The following FYB2 variants were observed in gnomAD, a reference collection of about 807,000 sequenced individuals.
FYB2 encodes FYN-binding protein 2.
A neutral mutation model predicts 94.1 loss-of-function variants in FYB2; 103 were observed. The observed-to-expected ratio is 1.09, with a 90% CI of 0.93 to 1.29. FYB2 has a LOEUF of 1.29. Ranked by LOEUF, FYB2 falls within the 50% of genes most tolerant of loss-of-function variation. FYB2 has a pLI of 0.00. For synonymous variants in FYB2, 293 were observed against 287.9 expected, an observed-to-expected ratio of 1.02 and a Z score of -0.18; for missense variants, 896 against 841.5, an observed-to-expected ratio of 1.06 and a Z score of -0.80.
chr1:56,764,768 A>C (rs1287265504), intron 5 of FYB2, among the ~76,000 whole-genome samples: 1 of 152,214 alleles, frequency 6.6e-6, no homozygotes, highest in Non-Finnish European at 1.5e-5. Flanking sequence ...AATACCATAA[A>C]TTGCATGGCT....
chr1:56,738,631 C>T lies in FYB2; in HGVS notation c.1726G>A (p.Asp576Asn), dbSNP rs748625569. 3.1e-6 allele frequency: 5 copies of T among 1,610,534 alleles called. No individual in the cohort carries two copies. Among genetic ancestry groups the T allele is most frequent in the Non-Finnish European group, 3.4e-6 (4 of 1,178,166 alleles). The change falls in exon 14 of 20, where the codon GAT becomes AAT. Residue 576 changes from aspartate to asparagine, a missense_variant. Coordinates refer to ENST00000343433, the MANE Select transcript of FYB2 (RefSeq NM_001004303.5). ...NLSAFSILLP[D>N]LELKSQEVII... ...ATAAGCAAATGGCACTTACCTAAAT[C>T]AGGCAGCAAAATGGAAAATGCACTG...
chr1:56,757,241 A>G (rs933188880), intron 6 of FYB2, among the ~76,000 whole-genome samples: 1 of 152,176 alleles, frequency 6.6e-6, no homozygotes, highest in South Asian at 2.1e-4. Flanking sequence ...TGCCAGGTAC[A>G]TGAAGCATTT....
chr1:56,752,423 T>C (rs540410985), intron 8 of FYB2, among the ~76,000 whole-genome samples: 28 of 152,008 alleles, frequency 1.8e-4, no homozygotes, highest in Non-Finnish European at 3.5e-4. Context: ...GAGATGAGGA[T>C]TGACTATGAT....
upstream of FYB2, among the ~76,000 whole-genome samples, chr1:56,820,715 C>T (rs1303618475): frequency 6.6e-6 from 1 of 152,180 alleles, no homozygotes; most frequent in African/African-American, 2.4e-5. Flanking sequence ...ATGCTTCTGG[C>T]CCAGGGACTG....
chr1:56,755,076 A>T (rs1645293739), intron 7 of FYB2, among the ~76,000 whole-genome samples: 1 of 152,070 alleles, frequency 6.6e-6, no homozygotes, highest in African/African-American at 2.4e-5. Flanking sequence ...CATGCTTTTT[A>T]AAAATATATT....
intron 9 of FYB2, among the ~76,000 whole-genome samples, chr1:56,748,588 A>C (rs550722210): frequency 8.0e-4 from 121 of 151,758 alleles, no homozygotes; most frequent in African/African-American, 2.7e-3. Context: ...CACTCTTTTA[A>C]CGGTATATTT....
At chr1:56,753,540 T>C (rs1248627205) in intron 8 of FYB2, among the ~76,000 whole-genome samples, 2 of 152,102 alleles carry the variant, frequency 1.3e-5, no homozygotes, top group Non-Finnish European at 2.9e-5. Context: ...TCCAGGGTAG[T>C]GCAAGGGCAG....
chr1:56,740,930 T>C, intron 12 of FYB2, 135 bp from the exon 13 acceptor site: 1 of 502,764 alleles, frequency 2.0e-6, no homozygotes, highest in Non-Finnish European at 3.4e-6. Flanking sequence ...TACATGGTCA[T>C]AAAGATGGAA....
At chr1:56,808,399 A>G (rs752641422) in intron 1 of FYB2, among the ~76,000 whole-genome samples, 2 of 152,194 alleles carry the variant, frequency 1.3e-5, no homozygotes, top group East Asian at 1.9e-4. Context: ...TTTTCAGCCA[A>G]AATTGATGCT....
intron 9 of FYB2, 86 bp from the exon 10 acceptor site, chr1:56,744,352 G>A (rs1399832167): frequency 5.0e-6 from 5 of 1,007,670 alleles, no homozygotes; most frequent in African/African-American, 1.6e-5. Flanking sequence ...GTGGAGGCAA[G>A]CATAAGAAAA....
At chr1:56,763,903 A>T (rs1316049867) in intron 5 of FYB2, among the ~76,000 whole-genome samples, 1 of 147,730 alleles carries the variant, frequency 6.8e-6, no homozygotes, top group African/African-American at 2.5e-5. Context: ...GCGAGATTGC[A>T]TTTCTTTTAG....
chr1:56,757,675 T>TTCCTTCCTTCCTTCCTTCCTTCC (rs1645369643), intron 6 of FYB2, among the ~76,000 whole-genome samples: 10 of 99,010 alleles, frequency 1.0e-4, no homozygotes, highest in African/African-American at 4.0e-4. Context: ...TTCTTTCCTC[T>TTCCTTCCTTCCTTCCTTCCTTCC]TTCCTTCCTT....
Position 56,792,694 on chromosome 1 carries a change from A to G in FYB2, c.119T>C (p.Ile40Thr). Residue 40 changes from isoleucine (I) to threonine (T), a missense_variant, in exon 2 of 20, where the codon ATT becomes ACT. Ile to Thr is a moderately conservative substitution (Grantham distance 89, BLOSUM62 -1). Transcript: ENST00000343433. ...FPAGVSPKGD[I>T]GGTQSTQILA... ...AATTTGAGTTGACTGTGTGCCTCCA[A>G]TGTCACCCTTTGGAGAAACACCTGC... 3.1e-6 allele frequency: 5 copies of G among 1,614,062 alleles called. No individual in the cohort carries two copies. The highest frequency in any genetic ancestry group is 4.2e-6 in the Non-Finnish European group (5 of 1,180,012).
chr1:56,739,214 G>T (rs141101050), intron 13 of FYB2, among the ~76,000 whole-genome samples: 1,674 of 152,166 alleles, frequency 0.011, 34 homozygotes, highest in African/African-American at 0.038. Context: ...AAGGTAATCA[G>T]ATTTGCATAT....
At chr1:56,734,624 G>A (rs1644789260) in intron 15 of FYB2, among the ~76,000 whole-genome samples, 1 of 151,992 alleles carries the variant, frequency 6.6e-6, no homozygotes, top group African/African-American at 2.4e-5. Flanking sequence ...GAGAACACTT[G>A]GACACAGGGT....
chr1:56,757,690 C>CCTTCTTT (rs1218633074), intron 6 of FYB2, among the ~76,000 whole-genome samples: 6 of 53,854 alleles, frequency 1.1e-4, no homozygotes, highest in Non-Finnish European at 2.2e-4. Context: ...TTCCTTCCTT[C>CCTTCTTT]TTTCTTTCTT....
At chr1:56,821,495 C>G (rs182653331), upstream of FYB2, among the ~76,000 whole-genome samples, 2 of 152,292 alleles carry the variant, frequency 1.3e-5, no homozygotes, top group Middle Eastern at 6.8e-3. Context: ...AGCTGCTGGT[C>G]TTGGGAAAGT....
chr1:56,753,921 T>C lies in FYB2; in HGVS notation c.1145A>G (p.Asp382Gly). The stretch of plus-strand genomic sequence containing the variant: ...TGGTTGTTTTTCCTTCATTTTTTTA[T>C]CTTCATGTTTAGCACTGAAATGTGA... Reference protein sequence around the residue: ...PYPEPSAKHEDKKMKEKQPCE... With the variant: ...PYPEPSAKHEGKKMKEKQPCE... Residue 382 changes from aspartate (D) to glycine (G), a missense_variant, in exon 8 of 20, where the codon GAT becomes GGT. Asp to Gly is a moderately conservative substitution (Grantham distance 94, BLOSUM62 -1). Coordinates refer to ENST00000343433, the MANE Select transcript of FYB2 (RefSeq NM_001004303.5). The C allele has an allele frequency of 6.2e-7, 1 of 1,604,762 alleles. No individual in the cohort carries two copies.
chr1:56,742,175 G>A lies in FYB2; in HGVS notation c.1590C>T (p.Asn530=), dbSNP rs78162191. The A allele has an allele frequency of 3.2e-4, 513 of 1,605,036 alleles. 5 individuals carry two copies. In the East Asian group the frequency reaches 0.011, roughly 33 times the overall value. The stretch of plus-strand genomic sequence containing the variant: ...GAGAAACTCACTCTATCTTTGGGTA[G>A]TTGTTCTTTGTTTTGTAGACATCTT... ...LYEDVYKTKN[N]YPKIDLDGKE... The change falls in exon 12 of 20, where the codon AAC becomes AAT. Residue 530 remains asparagine (N), a synonymous_variant. Transcript: ENST00000343433.
Sources: gnomAD v4.1 joint callset for allele counts (sites outside exome capture counted in the v4.1 genomes callset) on GRCh38, gnomAD v4.1.1 for gene constraint, MANE v1.5 for transcripts, NCBI Gene and HGNC (gene_info 2026-07-23, HGNC 2026-07-21) for gene names.